Variants in BCAS3 observed in about 807,000 individuals in gnomAD.
The protein encoded by BCAS3 is BCAS3 microtubule associated cell migration factor.
In BCAS3, 53 loss-of-function variants were observed where a neutral mutation model predicts 116.1. The observed-to-expected ratio is 0.46, with a 90% CI of 0.37 to 0.57. BCAS3 has a LOEUF of 0.57. Ranked by LOEUF, BCAS3 falls within the 20% of genes least tolerant of loss-of-function variation. The pLI is 0.00. For missense variants in BCAS3, 917 were observed against 1,165.4 expected, an observed-to-expected ratio of 0.79 and a Z score of 3.10; for synonymous variants, 391 against 408.2, an observed-to-expected ratio of 0.96 and a Z score of 0.51.
At position 61,133,434 on chromosome 17, in the gene BCAS3, C is replaced by T. The variant is rs2076445524; in HGVS notation, c.2425+48870C>T. Among the ~76,000 whole-genome samples, 4 of 152,196 alleles carry T rather than the reference C, an allele frequency of 2.6e-5. No individual in the cohort carries two copies. In the South Asian group the frequency reaches 8.3e-4, roughly 32 times the overall value. The stretch of plus-strand genomic sequence containing the variant: ...GGAAAAAACAAAAATTGCTGCCACT[C>T]ATCTACCAAGAGACAAAGATTTAGG... On this transcript the variant is annotated intron_variant, in intron 22 of 23. Coordinates refer to ENST00000407086, the MANE Select transcript of BCAS3 (RefSeq NM_017679.5).
chr17:60,767,114 C>G (rs977686109), intron 6 of BCAS3, among the ~76,000 whole-genome samples: 7 of 152,198 alleles, frequency 4.6e-5, no homozygotes, highest in African/African-American at 1.7e-4. Context: ...CACAGCTTCA[C>G]TTGGCTAGGA....
In BCAS3 at chr17:61,186,803, TGG is replaced by T. The variant is rs1452942830; in HGVS notation, c.2425+102241_2425+102242del. ...TCAGCTTACTGCAAGCTCCACCTCC[TGG>T]GTTCACGCCATTCTCTTGCCTCAGC... On this transcript the variant is annotated intron_variant, in intron 22 of 23. Coordinates refer to ENST00000407086, the MANE Select transcript of BCAS3 (RefSeq NM_017679.5). This position sits in a 1 kb window ranked among gnomAD's most constrained non-coding sequence, Gnocchi z 4.9. Among the ~76,000 whole-genome samples, 18 of 151,660 alleles carry T rather than the reference TGG, an allele frequency of 1.2e-4. No individual in the cohort carries two copies.
In BCAS3 at chr17:61,084,860, G is replaced by A. The variant is rs184504782; in HGVS notation, c.2425+296G>A. On this transcript the variant is annotated intron_variant, in intron 22 of 23. Coordinates refer to ENST00000407086, the MANE Select transcript of BCAS3 (RefSeq NM_017679.5). The surrounding 1 kb of genome is among the most constrained non-coding windows in gnomAD (Gnocchi z 5.5). The stretch of plus-strand genomic sequence containing the variant: ...TTTTGCCTTTGATCACTGAAATGTG[G>A]AGAAGCAACCTTGACAGAGAACGTA... Among the ~76,000 whole-genome samples the A allele has an allele frequency of 4.1e-4, 62 of 152,328 alleles. 1 individual carries two copies. The highest frequency in any genetic ancestry group is 7.6e-4 in the Non-Finnish European group (52 of 68,038).
chr17:60,987,595 G>T lies in BCAS3; in HGVS notation c.1222-2376G>T, dbSNP rs373801650. Among the ~76,000 whole-genome samples, 214 of 152,078 alleles carry T rather than the reference G, an allele frequency of 1.4e-3. 1 individual carries two copies. Among genetic ancestry groups the T allele is most frequent in the African/African-American group, 4.4e-3 (183 of 41,512 alleles). ...CGCTAGTTATTTATTTGTAGCTATTGTAAGTGGGATTACTTTGTAAATTTC... is the reference window on the plus strand; with the variant it reads ...CGCTAGTTATTTATTTGTAGCTATTTTAAGTGGGATTACTTTGTAAATTTC... On this transcript the variant is annotated intron_variant, in intron 14 of 23. Transcript: ENST00000407086.
rs764792419 is a variant in BCAS3 at position 61,211,770 on chromosome 17, C to T, written c.2425+127206C>T. On this transcript the variant is annotated intron_variant, in intron 22 of 23. Transcript: ENST00000407086. The surrounding 1 kb of genome is among the most constrained non-coding windows in gnomAD (Gnocchi z 4.4). ...CATGAAGTGTTATGCTTCAAATAAC[C>T]GCTCAACAGCTCATCTGAAGGTCCA... 6.6e-5 allele frequency among the ~76,000 whole-genome samples: 10 copies of T among 152,086 alleles called. No individual in the cohort carries two copies. Among genetic ancestry groups the T allele is most frequent in the Non-Finnish European group, 1.2e-4 (8 of 68,012 alleles).
chr17:60,869,289 G>A (rs539966264), intron 8 of BCAS3, among the ~76,000 whole-genome samples: 1 of 152,166 alleles, frequency 6.6e-6, no homozygotes, highest in Non-Finnish European at 1.5e-5. Flanking sequence ...GAGGAGAAAG[G>A]AACCTTAGGA....
At chr17:60,822,429 GT>G (rs2144686665) in intron 7 of BCAS3, among the ~76,000 whole-genome samples, 1 of 152,032 alleles carries the variant, frequency 6.6e-6, no homozygotes, top group East Asian at 1.9e-4. Flanking sequence ...TGAATTTCTC[GT>G]TTATAATATT....
At chr17:60,874,783 C>A in intron 9 of BCAS3, 45 bp downstream of exon 9, 1 of 1,242,208 alleles carries the variant, frequency 8.1e-7, no homozygotes, top group Non-Finnish European at 1.2e-6. Context: ...TGGGTTTATA[C>A]TACTTACTTG....
rs202148508 is a variant in BCAS3 at position 60,929,270 on chromosome 17, A to T, written c.1087+4770A>T. Among the ~76,000 whole-genome samples, 76 of 152,250 alleles carry T rather than the reference A, an allele frequency of 5.0e-4. No individual in the cohort carries two copies. In the East Asian group the frequency reaches 8.1e-3, roughly 16 times the overall value. On this transcript the variant is annotated intron_variant, in intron 13 of 23. Transcript: ENST00000407086. Reference sequence around the variant, plus strand: ...AGATCCTGTATCTAAAAAAAATTTTAAAAAATTACCTGGGCGTGGTGGCAC... The same window carrying T: ...AGATCCTGTATCTAAAAAAAATTTTTAAAAATTACCTGGGCGTGGTGGCAC...
chr17:60,954,294 C>A (rs1301223827), intron 14 of BCAS3, among the ~76,000 whole-genome samples: 1 of 152,060 alleles, frequency 6.6e-6, no homozygotes, highest in African/African-American at 2.4e-5. Context: ...AGTCAGGTAA[C>A]ATGATGCCTC....
In BCAS3 at chr17:60,807,956, A is replaced by G. The variant is rs372949010; in HGVS notation, c.404-48A>G. The stretch of plus-strand genomic sequence containing the variant: ...AAAGCATGAAAATAGTGGGAATTAT[A>G]CAATAATATTCCTCAAAGCTTACAA... On this transcript the variant is annotated intron_variant, in intron 6 of 23. Transcript: ENST00000407086. 4 of 1,298,586 alleles carry G rather than the reference A, an allele frequency of 3.1e-6. No individual in the cohort carries two copies. In the East Asian group the frequency reaches 7.0e-5, roughly 23 times the overall value. 80.4% of individuals were successfully genotyped at this position (1,298,586 alleles called of 1,614,324 possible). A position where few individuals can be genotyped will look rare whatever the true frequency, so the allele number is the denominator to read the frequency against.
chr17:60,971,341 AAGTATCT>A (rs2061947683), intron 14 of BCAS3, among the ~76,000 whole-genome samples: 1 of 152,154 alleles, frequency 6.6e-6, no homozygotes, highest in Admixed American at 6.5e-5. Context: ...ACCAGATAAT[AAGTATCT>A]TTGACTCTGC....
intron 10 of BCAS3, among the ~76,000 whole-genome samples, chr17:60,890,466 A>G (rs1455535962): frequency 6.6e-6 from 1 of 152,198 alleles, no homozygotes; most frequent in East Asian, 1.9e-4. Flanking sequence ...AAAGGAAAAA[A>G]AAAAAGAATA....
intron 22 of BCAS3, among the ~76,000 whole-genome samples, chr17:61,357,151 A>G (rs1391215122): frequency 1.3e-5 from 2 of 150,876 alleles, no homozygotes; most frequent in Non-Finnish European, 3.0e-5. Flanking sequence ...CATGCCTGTA[A>G]TCCCAGCACT....
At chr17:60,963,052 C>T (rs1354640619) in intron 14 of BCAS3, among the ~76,000 whole-genome samples, 1 of 152,148 alleles carries the variant, frequency 6.6e-6, no homozygotes, top group Non-Finnish European at 1.5e-5. Context: ...ACTGTAAATG[C>T]ATGGATGTAT....
intron 7 of BCAS3, among the ~76,000 whole-genome samples, chr17:60,867,542 T>C (rs538834998): frequency 3.9e-5 from 6 of 152,336 alleles, no homozygotes; most frequent in African/African-American, 1.4e-4. Flanking sequence ...ATTTTACTAA[T>C]TGTTTCTCAA....
rs1207458576 is a variant in BCAS3 at position 61,028,476 on chromosome 17, A to C, written c.1638-6190A>C. On this transcript the variant is annotated intron_variant, in intron 16 of 23. Transcript: ENST00000407086. This position sits in a 1 kb window ranked among gnomAD's most constrained non-coding sequence, Gnocchi z 4.3. ...AAATGCCACATTCAACATATGACAAAATTTCTTTGTAAACTTAGAATTAAA... is the reference window on the plus strand; with the variant it reads ...AAATGCCACATTCAACATATGACAACATTTCTTTGTAAACTTAGAATTAAA... Among the ~76,000 whole-genome samples the C allele has an allele frequency of 1.3e-5, 2 of 151,900 alleles. No individual in the cohort carries two copies. Among genetic ancestry groups the C allele is most frequent in the African/African-American group, 4.8e-5 (2 of 41,440 alleles).
intron 7 of BCAS3, among the ~76,000 whole-genome samples, chr17:60,844,596 C>G (rs994478892): frequency 6.6e-6 from 1 of 152,066 alleles, no homozygotes; most frequent in Non-Finnish European, 1.5e-5. Flanking sequence ...TTTGCTTGCC[C>G]TTGGTTCAGA....
chr17:61,384,036 G>C (rs1049417289), intron 23 of BCAS3: 1 of 152,336 alleles, frequency 6.6e-6, no homozygotes, highest in Non-Finnish European at 1.5e-5. Context: ...GAGTCTCCAA[G>C]CCCTGTCCCC....
Sources: allele counts gnomAD v4.1 joint callset (sites outside exome capture counted in the v4.1 genomes callset), GRCh38; gene constraint gnomAD v4.1.1; non-coding constraint Gnocchi (gnomAD v3.1); transcripts MANE v1.5; gene names NCBI Gene and HGNC (gene_info 2026-07-23, HGNC 2026-07-21).